The following PNLDC1 variants were observed in gnomAD, a reference collection of about 807,000 sequenced individuals.
The protein encoded by PNLDC1 is poly(A)-specific ribonuclease PNLDC1.
PNLDC1 carries 70 observed loss-of-function variants against 82.0 expected under a neutral mutation model. The ratio of observed to expected loss-of-function variants is 0.85; its 90% CI spans 0.70 to 1.04. PNLDC1 has a LOEUF of 1.04. PNLDC1 is among the 50% of genes least tolerant of loss of function. The pLI is 0.00. For synonymous variants in PNLDC1, 280 were observed against 249.3 expected, an observed-to-expected ratio of 1.12 and a Z score of -1.16; for missense variants, 631 against 661.1, an observed-to-expected ratio of 0.95 and a Z score of 0.50.
chr6:159,808,610 C>G (rs1781535469), intron 7 of PNLDC1, 130 bp from the exon 8 acceptor site: 2 of 787,224 alleles, frequency 2.5e-6, no homozygotes, highest in South Asian at 1.6e-5. Flanking sequence ...GGCTCATGGG[C>G]TTGGGCACCC....
At chr6:159,801,576 A>G (rs1781257587) in intron 3 of PNLDC1, among the ~76,000 whole-genome samples, 1 of 152,044 alleles carries the variant, frequency 6.6e-6, no homozygotes, top group Admixed American at 6.6e-5. Flanking sequence ...CCTCCTGAGT[A>G]AACTGGGACT....
In PNLDC1 at chr6:159,810,076, G is replaced by A. The variant is rs1483656029; in HGVS notation, c.834G>A (p.Lys278=). The part of the protein sequence containing the change: ...MMMDLLHLHE[K]FFRPLPESYD... ...TGGACCTGCTGCACCTCCATGAGAA[G>A]TTCTTCAGACCCCTCCCAGGTAGGG... The change falls in exon 10 of 19, where the codon AAG becomes AAA. Residue 278 remains lysine, a synonymous_variant. Transcript: ENST00000392167. The A allele has an allele frequency of 6.2e-7, 1 of 1,614,122 alleles. No homozygotes were observed.
At position 159,801,149 on chromosome 6, in the gene PNLDC1, C is replaced by T. The variant is rs1285074862; in HGVS notation, c.171C>T (p.Thr57=). Residue 57 remains threonine, a synonymous_variant, in exon 3 of 19, where the codon ACC becomes ACT. Coordinates refer to ENST00000392167, the MANE Select transcript of PNLDC1 (RefSeq NM_001271862.2). ...TGCCATCGGAGTGGTATCTAAAGAC[C>T]CGTCAGAGTGTTCAGCAATTTACAG... ...FDLPSEWYLK[T]RQSVQQFTVC... is the part of the protein sequence containing the mutation. 1 of 1,614,072 alleles carries T rather than the reference C, an allele frequency of 6.2e-7. No homozygotes were observed. Among genetic ancestry groups the T allele is most frequent in the East Asian group, 2.2e-5 (1 of 44,886 alleles).
intron 14 of PNLDC1, among the ~76,000 whole-genome samples, 197 bp from the exon 15 acceptor site, chr6:159,816,912 G>A (rs951822073): frequency 3.9e-5 from 6 of 152,134 alleles, no homozygotes; most frequent in Admixed American, 2.0e-4. Flanking sequence ...CAATCCACCC[G>A]CCTCGGCCTC....
At chr6:159,804,420 G>A (rs1366989054) in intron 5 of PNLDC1, 129 bp from the exon 6 acceptor site, 18 of 689,952 alleles carry the variant, frequency 2.6e-5, no homozygotes, top group South Asian at 2.3e-4. Context: ...TGTCTTACAA[G>A]TGATCTAGAC....
rs1243392569 is a variant in PNLDC1, at chr6:159,800,818, C to T, written c.123C>T (p.Pro41=). The T allele has an allele frequency of 6.2e-7, 1 of 1,614,144 alleles. No individual in the cohort carries two copies. Among genetic ancestry groups the T allele is most frequent in the East Asian group, 2.2e-5 (1 of 44,876 alleles). Residue 41 remains proline (P), a synonymous_variant, in exon 2 of 19, where the codon CCC becomes CCT. Transcript: ENST00000392167. ...FTGLRSNLSG[P]QQISLFDLPS... is the part of the protein sequence containing the mutation. ...GCCTTCGTTCTAACCTGTCTGGGCC[C>T]CAGCAGATCAGGTAAAACTAAAGCT...
upstream of PNLDC1, chr6:159,800,149 G>A (rs1169251067): frequency 5.0e-6 from 3 of 603,376 alleles, no homozygotes; most frequent in Non-Finnish European, 5.7e-6. Context: ...AGGTGTGGGC[G>A]ACGCCAGCAG....
chr6:159,810,213 GCAGGTTT>G (rs1781601487), intron 10 of PNLDC1, 118 bp downstream of exon 10: 1 of 878,462 alleles, frequency 1.1e-6, no homozygotes, highest in African/African-American at 1.7e-5. Flanking sequence ...CCCAGTGTCT[GCAGGTTT>G]CTGGAGAGTT....
chr6:159,807,711 G>T (rs1364320593), intron 7 of PNLDC1, among the ~76,000 whole-genome samples: 1 of 152,138 alleles, frequency 6.6e-6, no homozygotes, highest in Admixed American at 6.6e-5. Flanking sequence ...TCTATTCTAG[G>T]TGTGAGATAG....
intron 12 of PNLDC1, among the ~76,000 whole-genome samples, chr6:159,814,091 C>T (rs1357544134): frequency 6.6e-6 from 1 of 152,248 alleles, no homozygotes; most frequent in East Asian, 1.9e-4. Flanking sequence ...CCTTCCACAT[C>T]AACAAGTGTT....
At chr6:159,816,995 C>G (rs77632648) in intron 14 of PNLDC1, 114 bp from the exon 15 acceptor site, 35,263 of 1,123,368 alleles carry the variant, frequency 0.031, 692 homozygotes, top group Non-Finnish European at 0.039. Flanking sequence ...CAGTATGCCC[C>G]TGCCGTCCCT....
rs1351378133 is a variant in PNLDC1, at chr6:159,806,059, T to C, written c.538T>C (p.Trp180Arg). The change falls in exon 7 of 19, where the codon TGG (tryptophan) becomes CGG (arginine). Residue 180 changes from tryptophan to arginine, a missense_variant. Physicochemically the swap from Trp to Arg is moderately radical, Grantham distance 101. Coordinates refer to ENST00000392167, the MANE Select transcript of PNLDC1 (RefSeq NM_001271862.2). ...RWLELAKEGD[W>R]MTLPGITGFQ... The stretch of plus-strand genomic sequence containing the variant: ...GCTGGAGCTGGCCAAGGAAGGCGAC[T>C]GGATGACTCTTCCTGGGATCACTGG... 2 of 1,614,008 alleles carry C rather than the reference T, an allele frequency of 1.2e-6. No homozygotes were observed. Among genetic ancestry groups the C allele is most frequent in the Non-Finnish European group, 1.7e-6 (2 of 1,179,982 alleles).
chr6:159,812,151 C>T (rs1406263350), intron 11 of PNLDC1, among the ~76,000 whole-genome samples: 2 of 152,154 alleles, frequency 1.3e-5, no homozygotes, highest in Non-Finnish European at 2.9e-5. Flanking sequence ...CCACCCGCCT[C>T]GGCCTCCCAA....
At chr6:159,817,015 A>C (rs1320666998) in intron 14 of PNLDC1, 94 bp from the exon 15 acceptor site, 3 of 1,310,378 alleles carry the variant, frequency 2.3e-6, no homozygotes, top group Non-Finnish European at 3.3e-6. Context: ...TAGATTCTAC[A>C]TTTATTTCAG....
chr6:159,804,153 G>C, intron 5 of PNLDC1, 65 bp downstream of exon 5: 2 of 1,575,242 alleles, frequency 1.3e-6, no homozygotes, highest in African/African-American at 1.4e-5. Context: ...GTCTCGCTCT[G>C]TTGCCCAGGC....
intron 12 of PNLDC1, 140 bp from the exon 13 acceptor site, chr6:159,815,829 G>A: frequency 1.6e-6 from 1 of 637,712 alleles, no homozygotes; most frequent in Non-Finnish European, 2.7e-6. Context: ...GATCTTACCT[G>A]TCCATGCTTA....
At chr6:159,816,994 C>A in intron 14 of PNLDC1, 115 bp from the exon 15 acceptor site, 2 of 1,099,342 alleles carry the variant, frequency 1.8e-6, no homozygotes, top group Non-Finnish European at 2.7e-6. Context: ...GCAGTATGCC[C>A]CTGCCGTCCC....
chr6:159,807,592 A>T (rs751843913), intron 7 of PNLDC1, among the ~76,000 whole-genome samples: 1 of 152,214 alleles, frequency 6.6e-6, no homozygotes, highest in Non-Finnish European at 1.5e-5. Flanking sequence ...ATTGTGTAAT[A>T]AAATGTGCAA....
At chr6:159,818,017 G>A (rs1425731068) in intron 15 of PNLDC1, among the ~76,000 whole-genome samples, 1 of 152,190 alleles carries the variant, frequency 6.6e-6, no homozygotes, top group Non-Finnish European at 1.5e-5. Context: ...AGCAGTGGTG[G>A]GGCACCTCAG....
Sources: gnomAD v4.1 joint callset for allele counts (sites outside exome capture counted in the v4.1 genomes callset) on GRCh38, gnomAD v4.1.1 for gene constraint, MANE v1.5 for transcripts, NCBI Gene and HGNC (gene_info 2026-07-23, HGNC 2026-07-21) for gene names.